The following ENOX2 variants were observed in gnomAD, a reference collection of about 807,000 sequenced individuals.
ENOX2 encodes ecto-NOX disulfide-thiol exchanger 2.
Under a neutral mutation model 45.0 loss-of-function variants are expected in ENOX2, and 36 were observed. That is an observed-to-expected ratio of 0.80 (90% CI 0.61 to 1.06). The LOEUF (loss-of-function observed/expected upper bound fraction) is 1.06. ENOX2 is among the 50% of genes least tolerant of loss of function. The pLI is 0.00. For synonymous variants in ENOX2, 174 were observed against 152.3 expected (o/e 1.14, Z -1.05); for missense variants, 423 against 462.5 (o/e 0.91, Z 0.78).
intron 3 of ENOX2, among the ~76,000 whole-genome samples, chrX:130,747,982 A>G (rs1462210928): frequency 8.9e-6 from 1 of 112,546 alleles, no homozygotes; most frequent in Non-Finnish European, 1.9e-5. Flanking sequence ...GTAGAGTTAC[A>G]TAGTTAGAGG....
chrX:130,686,442 G>A (rs887314366), intron 5 of ENOX2, among the ~76,000 whole-genome samples: 5 of 111,551 alleles, frequency 4.5e-5, no homozygotes, highest in Non-Finnish European at 7.5e-5. Context: ...CTCCCCAGAA[G>A]CAGAAGCCAC....
intron 4 of ENOX2, among the ~76,000 whole-genome samples, chrX:130,698,865 T>C: frequency 8.9e-6 from 1 of 111,876 alleles, no homozygotes. Flanking sequence ...GCAGACACAG[T>C]CAATACAGTG....
intron 10 of ENOX2, among the ~76,000 whole-genome samples, chrX:130,646,773 C>T (rs899091130): frequency 8.9e-5 from 10 of 112,128 alleles, no homozygotes; most frequent in Non-Finnish European, 1.9e-4. Context: ...AATGCCTTGC[C>T]CTTCTAGTTG....
Position 130,884,897 on chromosome X carries a change from T to C in ENOX2, c.-183+16787A>G, listed in dbSNP as rs778182543. Reference sequence around the variant, plus strand: ...TAGCCAGTATATCTTAAAATACATATACTTTCATGGAAACAATCTTATAAG... The same window carrying C: ...TAGCCAGTATATCTTAAAATACATACACTTTCATGGAAACAATCTTATAAG... On this transcript the variant is annotated intron_variant, in intron 2 of 14. Transcript: ENST00000394363. 8.1e-5 allele frequency among the ~76,000 whole-genome samples: 9 copies of C among 111,785 alleles called. No homozygotes were observed. The East Asian group carries it at 1.4e-3, about 17-fold the overall frequency.
chrX:130,847,585 C>T (rs1308288212), intron 2 of ENOX2, among the ~76,000 whole-genome samples: 2 of 111,904 alleles, frequency 1.8e-5, no homozygotes, highest in Admixed American at 9.4e-5. Context: ...GTCTATTCTT[C>T]TGCCTAACCC....
chrX:130,781,376 T>C (rs990171773), intron 3 of ENOX2, among the ~76,000 whole-genome samples: 5 of 112,436 alleles, frequency 4.4e-5, no homozygotes, highest in Non-Finnish European at 9.4e-5. Context: ...ATATTCATTA[T>C]TTGAATGCAA....
intron 3 of ENOX2, among the ~76,000 whole-genome samples, chrX:130,733,539 T>C (rs2038788762): frequency 8.9e-6 from 1 of 112,227 alleles, no homozygotes; most frequent in Non-Finnish European, 1.9e-5. Flanking sequence ...TTATTTATAA[T>C]AGCAAAAAAC....
intron 10 of ENOX2, among the ~76,000 whole-genome samples, chrX:130,647,973 G>C (rs1330091447): frequency 9.0e-6 from 1 of 111,375 alleles, no homozygotes; most frequent in Non-Finnish European, 1.9e-5. Flanking sequence ...AAACATTTCA[G>C]ATTCTGTGTG....
chrX:130,650,559 G>T (rs1393449410), intron 10 of ENOX2, among the ~76,000 whole-genome samples: 1 of 112,204 alleles, frequency 8.9e-6, no homozygotes, highest in Non-Finnish European at 1.9e-5. Context: ...ACATTGAAAA[G>T]TTCAATATTA....
At chrX:130,716,311 A>G (rs903067025) in intron 3 of ENOX2, among the ~76,000 whole-genome samples, 2 of 112,187 alleles carry the variant, frequency 1.8e-5, no homozygotes, top group African/African-American at 3.2e-5. Flanking sequence ...TGAAAGTGCT[A>G]CTGCTAATAA....
intron 9 of ENOX2, among the ~76,000 whole-genome samples, chrX:130,663,347 AT>A (rs771777382): frequency 1.3e-4 from 14 of 110,844 alleles, no homozygotes; most frequent in Non-Finnish European, 2.3e-4. Context: ...CCTGGGCAAC[AT>A]GGTGAAAACC....
At chrX:130,717,697 C>A (rs2038364258) in intron 3 of ENOX2, among the ~76,000 whole-genome samples, 1 of 111,922 alleles carries the variant, frequency 8.9e-6, no homozygotes, top group African/African-American at 3.3e-5. Context: ...TTTAAAATTA[C>A]ATATTGAGTA....
At chrX:130,853,826 A>C (rs982818816) in intron 2 of ENOX2, among the ~76,000 whole-genome samples, 7 of 111,394 alleles carry the variant, frequency 6.3e-5, no homozygotes, top group African/African-American at 2.3e-4. Flanking sequence ...TCCAACAAGC[A>C]GTAATGAAGT....
chrX:130,731,513 T>C (rs771208139), intron 3 of ENOX2, among the ~76,000 whole-genome samples: 20 of 111,763 alleles, frequency 1.8e-4, no homozygotes, highest in Admixed American at 4.7e-4. Context: ...CATCCACAGT[T>C]GGGAAAAGGA....
intron 3 of ENOX2, among the ~76,000 whole-genome samples, chrX:130,760,855 GTT>G (rs374625292): frequency 1.1e-5 from 1 of 87,716 alleles, no homozygotes; most frequent in Non-Finnish European, 2.2e-5. Flanking sequence ...TTTCTGAGAG[GTT>G]TTTTTTTTTT....
chrX:130,749,465 G>T (rs2039165246), intron 3 of ENOX2, among the ~76,000 whole-genome samples: 1 of 111,559 alleles, frequency 9.0e-6, no homozygotes, highest in African/African-American at 3.3e-5. Flanking sequence ...CTTCTGGAAG[G>T]TTTCATGTGT....
At chrX:130,818,907 A>G (rs1277188225) in intron 2 of ENOX2, among the ~76,000 whole-genome samples, 2 of 112,569 alleles carry the variant, frequency 1.8e-5, no homozygotes, top group Non-Finnish European at 3.7e-5. Context: ...TCTGCATAGC[A>G]AAAGAAACTA....
At position 130,656,641 on chromosome X, in the gene ENOX2, TTTC is replaced by T. The variant is rs1343179636; in HGVS notation, c.1066_1068del (p.Glu356del). The T allele has an allele frequency of 1.7e-6, 2 of 1,184,918 alleles. No homozygotes were observed. Among genetic ancestry groups the T allele is most frequent in the Non-Finnish European group, 1.1e-6 (1 of 874,048 alleles). ...TCTATTTCATCATCAGACATTTCCATTTCTTCTTCTCGCCTGATTCCCATTAAT... is the reference window on the plus strand; with the variant it reads ...TCTATTTCATCATCAGACATTTCCATTTCTTCTCGCCTGATTCCCATTAAT... On this transcript the variant is annotated inframe_deletion, in exon 10 of 15. Transcript: ENST00000394363.
intron 3 of ENOX2, among the ~76,000 whole-genome samples, chrX:130,756,317 T>C (rs2039354373): frequency 8.9e-6 from 1 of 112,328 alleles, no homozygotes; most frequent in African/African-American, 3.2e-5. Context: ...CTGCGGATGT[T>C]GTACCCTTCC....
Sources: gnomAD v4.1 joint callset for allele counts (sites outside exome capture counted in the v4.1 genomes callset) on GRCh38, gnomAD v4.1.1 for gene constraint, MANE v1.5 for transcripts, NCBI Gene and HGNC (gene_info 2026-07-23, HGNC 2026-07-21) for gene names.